Variants in B3GALT1 observed in about 807,000 individuals in gnomAD.
The protein encoded by B3GALT1 is UDP-Gal:betaGlcNAc beta 1,3-galactosyltransferase, polypeptide 1.
In B3GALT1, 10 loss-of-function variants were observed where a neutral mutation model predicts 23.2. The ratio of observed to expected loss-of-function variants is 0.43; its 90% confidence interval spans 0.27 to 0.73. The LOEUF is 0.73. Ranked by LOEUF, B3GALT1 falls within the 30% of genes least tolerant of loss-of-function variation. The probability of loss-of-function intolerance (pLI) is 0.21; values close to 1 mark genes in which losing one functional copy is unlikely to be tolerated. For missense variants in B3GALT1, 299 were observed against 405.4 expected (o/e 0.74, Z 2.25); for synonymous variants, 156 against 141.5 (o/e 1.10, Z -0.73).
chr2:167,570,133 C>A (rs1684263212), intron 2 of B3GALT1, among the ~76,000 whole-genome samples: 1 of 151,750 alleles, frequency 6.6e-6, no homozygotes, highest in African/African-American at 2.4e-5. Context: ...CCTCTTCTTA[C>A]ATTGTCTTTC....
chr2:167,829,107 T>C (rs1176660861), intron 4 of B3GALT1, among the ~76,000 whole-genome samples: 1 of 152,212 alleles, frequency 6.6e-6, no homozygotes, highest in African/African-American at 2.4e-5. Flanking sequence ...TAAAAAGCAA[T>C]ACGTTAATAA....
At chr2:167,839,485 C>T (rs1302754864) in intron 4 of B3GALT1, among the ~76,000 whole-genome samples, 14 of 152,140 alleles carry the variant, frequency 9.2e-5, no homozygotes, top group Non-Finnish European at 1.8e-4. Context: ...TGTGAAGGAC[C>T]TCTTCAAGGA....
chr2:167,455,203 A>G (rs916016132), intron 1 of B3GALT1, among the ~76,000 whole-genome samples: 3 of 152,174 alleles, frequency 2.0e-5, no homozygotes, highest in Non-Finnish European at 4.4e-5. Flanking sequence ...ATGCTCACAC[A>G]TTGGACTTTA....
chr2:167,829,015 C>T (rs1185117717), intron 4 of B3GALT1, among the ~76,000 whole-genome samples: 18 of 152,250 alleles, frequency 1.2e-4, no homozygotes, highest in African/African-American at 1.4e-4. Context: ...ACCAAAAGTA[C>T]GGTCTGGCTT....
chr2:167,642,534 A>C (rs1407295667), intron 2 of B3GALT1, among the ~76,000 whole-genome samples: 1 of 152,144 alleles, frequency 6.6e-6, no homozygotes, highest in East Asian at 1.9e-4. Context: ...TCTCTGCTCA[A>C]ATGTCACCCT....
At chr2:167,544,132 G>C (rs1230742193) in intron 2 of B3GALT1, among the ~76,000 whole-genome samples, 1 of 152,178 alleles carries the variant, frequency 6.6e-6, no homozygotes, top group African/African-American at 2.4e-5. Flanking sequence ...AATCTGCTTA[G>C]AGCTCAATGG....
chr2:167,472,933 A>G (rs1044546464), intron 1 of B3GALT1, among the ~76,000 whole-genome samples: 4 of 152,120 alleles, frequency 2.6e-5, no homozygotes, highest in Admixed American at 6.6e-5. Flanking sequence ...TTTTGTGAAA[A>G]AGTGAAGGAA....
chr2:167,836,209 G>C (rs1274800219), intron 4 of B3GALT1, among the ~76,000 whole-genome samples: 2 of 152,200 alleles, frequency 1.3e-5, no homozygotes, highest in South Asian at 4.1e-4. Flanking sequence ...AGAGAAGAAG[G>C]CTTCAGACGA....
intron 1 of B3GALT1, among the ~76,000 whole-genome samples, chr2:167,459,979 A>C (rs1259236408): frequency 1.3e-5 from 2 of 151,798 alleles, no homozygotes; most frequent in Non-Finnish European, 2.9e-5. Flanking sequence ...AATCTACCAA[A>C]AATCTCATTG....
chr2:167,457,372 C>G (rs1213288326), intron 1 of B3GALT1, among the ~76,000 whole-genome samples: 1 of 151,868 alleles, frequency 6.6e-6, no homozygotes, highest in Non-Finnish European at 1.5e-5. Flanking sequence ...AGGGTTTCAC[C>G]ATGTCGGGCA....
intron 1 of B3GALT1, among the ~76,000 whole-genome samples, chr2:167,352,998 CAG>C (rs1357822768): frequency 6.6e-6 from 1 of 152,128 alleles, no homozygotes; most frequent in East Asian, 1.9e-4. Context: ...ATGTTTAAAA[CAG>C]AAGCCCTGTG....
intron 3 of B3GALT1, among the ~76,000 whole-genome samples, chr2:167,699,380 A>ATTTTTTTTTTT (rs1169813738): frequency 3.4e-4 from 34 of 100,174 alleles, no homozygotes; most frequent in Admixed American, 5.1e-4. Flanking sequence ...CATTATTTCT[A>ATTTTTTTTTTT]TTTTTTTTTT....
At chr2:167,295,757 TTGTGTGTGTACGTGTGTGTGTG>T (rs1696339756) in intron 1 of B3GALT1, among the ~76,000 whole-genome samples, 1 of 142,704 alleles carries the variant, frequency 7.0e-6, no homozygotes, top group African/African-American at 2.8e-5. Flanking sequence ...CATTTTAAGG[TTGTGTGTGTACGTGTGTGTGTG>T]TGTGTGTGTG....
intron 4 of B3GALT1, among the ~76,000 whole-genome samples, chr2:167,859,939 A>G (rs1243633431): frequency 1.3e-5 from 2 of 152,204 alleles, no homozygotes; most frequent in Non-Finnish European, 2.9e-5. Context: ...TGGAGAGATA[A>G]TAAGTTAGCA....
intron 2 of B3GALT1, among the ~76,000 whole-genome samples, chr2:167,491,683 C>T (rs145418715): frequency 0.01 from 1,586 of 151,654 alleles, 25 homozygotes; most frequent in African/African-American, 0.037. Flanking sequence ...GGCGTGGTGG[C>T]GGGTGTCTGT....
intron 3 of B3GALT1, among the ~76,000 whole-genome samples, chr2:167,664,469 T>C (rs1686134605): frequency 6.6e-6 from 1 of 152,212 alleles, no homozygotes; most frequent in South Asian, 2.1e-4. Flanking sequence ...CTATATGAAC[T>C]TTAAAGTAGT....
At chr2:167,580,123 A>G (rs1684458065) in intron 2 of B3GALT1, among the ~76,000 whole-genome samples, 3 of 152,182 alleles carry the variant, frequency 2.0e-5, no homozygotes, top group Admixed American at 2.0e-4. Context: ...CTGCAGCAAG[A>G]TAAGTCCTGT....
At chr2:167,740,306 A>G (rs1056929105) in intron 3 of B3GALT1, among the ~76,000 whole-genome samples, 9 of 152,194 alleles carry the variant, frequency 5.9e-5, no homozygotes, top group East Asian at 1.9e-4. Flanking sequence ...AATGAAGCAT[A>G]TATTTTAATT....
At chr2:167,868,388 A>G (rs1271189834) in intron 4 of B3GALT1, among the ~76,000 whole-genome samples, 1 of 152,158 alleles carries the variant, frequency 6.6e-6, no homozygotes, top group Non-Finnish European at 1.5e-5. Context: ...AGAATCAAGC[A>G]AACAAAAACT....
Sources: gnomAD v4.1 joint callset for allele counts (sites outside exome capture counted in the v4.1 genomes callset) on GRCh38, gnomAD v4.1.1 for gene constraint, MANE v1.5 for transcripts, NCBI Gene and HGNC (gene_info 2026-07-23, HGNC 2026-07-21) for gene names.